The following SIK3 variants were observed in gnomAD, a reference collection of about 807,000 sequenced individuals.
SIK3 encodes the protein SIK family kinase 3.
Under a neutral mutation model 144.2 loss-of-function variants are expected in SIK3, and 28 were observed. The ratio of observed to expected loss-of-function variants is 0.19; its 90% CI spans 0.14 to 0.27. SIK3 has a LOEUF of 0.27. SIK3 is among the 10% of genes least tolerant of loss of function. SIK3 has a pLI of 1.00. For synonymous variants in SIK3, 686 were observed against 676.3 expected (o/e 1.01, Z -0.22); for missense variants, 1,319 against 1,776.0 (o/e 0.74, Z 4.62).
chr11:116,931,935 G>T (rs1267258537), intron 3 of SIK3, among the ~76,000 whole-genome samples: 2 of 152,144 alleles, frequency 1.3e-5, no homozygotes, highest in Non-Finnish European at 2.9e-5. Context: ...TGTCTTTCTT[G>T]CCAAGAATCC....
intron 4 of SIK3, among the ~76,000 whole-genome samples, chr11:116,901,635 C>T (rs1008320257): frequency 7.9e-5 from 12 of 152,172 alleles, no homozygotes; most frequent in African/African-American, 2.9e-4. Context: ...TATTTGAATA[C>T]ATAAATAATG....
intron 1 of SIK3, among the ~76,000 whole-genome samples, chr11:117,091,847 T>A (rs7932655): frequency 0.31 from 47,661 of 151,962 alleles, 9,705 homozygotes; most frequent in African/African-American, 0.59. Flanking sequence ...CAATGGTGTG[T>A]CCATAGTTCA....
At chr11:117,020,105 G>A (rs1319348117) in intron 1 of SIK3, among the ~76,000 whole-genome samples, 2 of 151,920 alleles carry the variant, frequency 1.3e-5, no homozygotes, top group South Asian at 4.2e-4. Context: ...TTTGACGAAT[G>A]AGCCAGATGA....
chr11:116,876,541 T>C (rs1944265541), intron 7 of SIK3, among the ~76,000 whole-genome samples, 178 bp from the exon 8 acceptor site: 1 of 152,202 alleles, frequency 6.6e-6, no homozygotes, highest in African/African-American at 2.4e-5. Context: ...AACTCACTGT[T>C]TCCTGAGCTC....
At chr11:117,063,586 CTTT>C (rs769073456) in intron 1 of SIK3, among the ~76,000 whole-genome samples, 3 of 125,914 alleles carry the variant, frequency 2.4e-5, no homozygotes, top group Non-Finnish European at 3.5e-5. Flanking sequence ...AATGAAGTTT[CTTT>C]TTTTTTTTTT....
chr11:116,996,215 T>C (rs927692194), intron 1 of SIK3, among the ~76,000 whole-genome samples: 2 of 151,842 alleles, frequency 1.3e-5, no homozygotes, highest in Non-Finnish European at 2.9e-5. Context: ...GGCTGAGGCA[T>C]GAGAATCGCT....
intron 1 of SIK3, among the ~76,000 whole-genome samples, chr11:116,962,461 A>T (rs542987588): frequency 1.1e-3 from 164 of 152,322 alleles, no homozygotes; most frequent in East Asian, 5.2e-3. Flanking sequence ...TTATTTTTTT[A>T]AAAAATTTGT....
At position 116,917,874 on chromosome 11, in the gene SIK3, GAAAC is replaced by G. The variant is rs763393616; in HGVS notation, c.616+9341_616+9344del. Among the ~76,000 whole-genome samples, 14 of 36,810 alleles carry G rather than the reference GAAAC, an allele frequency of 3.8e-4. No individual in the cohort carries two copies. In the South Asian group the frequency reaches 5.9e-3, roughly 15 times the overall value. 24.1% of individuals were successfully genotyped at this position (36,810 alleles called of 152,430 possible). Reference sequence around the variant, plus strand: ...AGGAAAGGAAAGGAAAGGAAAGGGAGAAACAAACAAACTATAGCTTAAGTGTACA... The same window carrying G: ...AGGAAAGGAAAGGAAAGGAAAGGGAGAAACAAACTATAGCTTAAGTGTACA... On this transcript the variant is annotated intron_variant, in intron 4 of 24. Coordinates refer to ENST00000445177, the MANE Select transcript of SIK3 (RefSeq NM_001366686.3).
chr11:116,865,455 A>G (rs1451175044), intron 15 of SIK3, among the ~76,000 whole-genome samples: 1 of 152,124 alleles, frequency 6.6e-6, no homozygotes, highest in Non-Finnish European at 1.5e-5. Flanking sequence ...GATAAGTATC[A>G]ATTGTGCTTG....
chr11:116,934,083 A>G (rs769176684), intron 3 of SIK3, among the ~76,000 whole-genome samples: 2 of 152,174 alleles, frequency 1.3e-5, no homozygotes. Context: ...TTTCAATTTC[A>G]TATTCACTTC....
At chr11:116,871,500 A>G (rs927963258) in intron 13 of SIK3, among the ~76,000 whole-genome samples, 1 of 152,232 alleles carries the variant, frequency 6.6e-6, no homozygotes. Flanking sequence ...GTGAATCACT[A>G]AAGGATTTTA....
rs1002774714 is a variant in SIK3, at chr11:116,846,739, C to T, written c.3953-186G>A. ...ACGATGGGCGGGGGCCAAGATTCTTCCTATATTCTCCTCTACCTGTTCTGC... is the reference window on the plus strand; with the variant it reads ...ACGATGGGCGGGGGCCAAGATTCTTTCTATATTCTCCTCTACCTGTTCTGC... On this transcript the variant is annotated intron_variant, in intron 23 of 24. Transcript: ENST00000445177. This position sits in a 1 kb window ranked among gnomAD's most constrained non-coding sequence, Gnocchi z 4.1. Among the ~76,000 whole-genome samples the T allele has an allele frequency of 6.6e-6, 1 of 152,196 alleles. No individual in the cohort carries two copies. The highest frequency in any genetic ancestry group is 1.5e-5 in the Non-Finnish European group (1 of 68,038).
At chr11:117,066,473 C>T (rs753961657) in intron 1 of SIK3, among the ~76,000 whole-genome samples, 1 of 150,080 alleles carries the variant, frequency 6.7e-6, no homozygotes, top group Non-Finnish European at 1.5e-5. Flanking sequence ...ATTTATATAA[C>T]ACAGGACTTG....
intron 1 of SIK3, among the ~76,000 whole-genome samples, chr11:117,060,879 C>G (rs1953761284): frequency 6.6e-6 from 1 of 152,146 alleles, no homozygotes; most frequent in Non-Finnish European, 1.5e-5. Context: ...ATCGTGAGGA[C>G]AGGCAGAGAT....
chr11:117,006,811 C>G (rs937167080), intron 1 of SIK3, among the ~76,000 whole-genome samples: 1 of 152,180 alleles, frequency 6.6e-6, no homozygotes, highest in Non-Finnish European at 1.5e-5. Flanking sequence ...CCATGCTGCT[C>G]TATTTTTCTC....
At chr11:117,068,672 C>T (rs1273466082) in intron 1 of SIK3, among the ~76,000 whole-genome samples, 3 of 152,102 alleles carry the variant, frequency 2.0e-5, no homozygotes, top group Non-Finnish European at 4.4e-5. Context: ...GAGGCTGCAG[C>T]GAGCCCAAGC....
chr11:116,882,034 C>T (rs1445137322), intron 6 of SIK3, among the ~76,000 whole-genome samples: 2 of 152,178 alleles, frequency 1.3e-5, no homozygotes, highest in Non-Finnish European at 1.5e-5. Context: ...TATTGGTATT[C>T]TGGGTTATGA....
At chr11:116,937,711 G>A (rs1208683708) in intron 3 of SIK3, among the ~76,000 whole-genome samples, 3 of 152,112 alleles carry the variant, frequency 2.0e-5, no homozygotes, top group African/African-American at 7.2e-5. Context: ...GAGAACTAAA[G>A]ATATAATATT....
At chr11:117,004,995 T>C (rs1478356785) in intron 1 of SIK3, among the ~76,000 whole-genome samples, 1 of 152,216 alleles carries the variant, frequency 6.6e-6, no homozygotes, top group African/African-American at 2.4e-5. Context: ...CCTAGTCTCA[T>C]ACAGCTAGTT....
Sources: gnomAD v4.1 joint callset for allele counts (sites outside exome capture counted in the v4.1 genomes callset) on GRCh38, gnomAD v4.1.1 for gene constraint, Gnocchi (gnomAD v3.1) non-coding constraint, MANE v1.5 for transcripts, NCBI Gene and HGNC (gene_info 2026-07-23, HGNC 2026-07-21) for gene names.